The following ARID3A variants were observed in gnomAD, a reference collection of about 807,000 sequenced individuals.
ARID3A encodes AT-rich interactive domain-containing protein 3A.
In ARID3A, 11 loss-of-function variants were observed where a neutral mutation model predicts 52.7. The ratio of observed to expected loss-of-function variants is 0.21; its 90% CI spans 0.13 to 0.35. ARID3A has a LOEUF of 0.35. Ranked by LOEUF, ARID3A falls within the 10% of genes least tolerant of loss-of-function variation. ARID3A has a pLI of 1.00. For missense variants in ARID3A, 721 were observed against 838.5 expected (o/e 0.86, Z 1.73); for synonymous variants, 404 against 359.4 (o/e 1.12, Z -1.40).
At position 966,844 on chromosome 19, in the gene ARID3A, A is replaced by G. The variant is rs2038168133; in HGVS notation, c.1471A>G (p.Met491Val). 5.0e-6 allele frequency: 8 copies of G among 1,611,412 alleles called. No homozygotes were observed. The highest frequency in any genetic ancestry group is 6.8e-6 in the Non-Finnish European group (8 of 1,178,352). The change falls in exon 7 of 9, where the codon ATG becomes GTG. Residue 491 changes from methionine to valine, a missense_variant. This residue lies in a region of ARID3A where 297 missense variants were observed against 343.2 expected (regional missense o/e 0.87). Coordinates refer to ENST00000263620, the MANE Select transcript of ARID3A (RefSeq NM_005224.3). Reference protein sequence around the residue: ...NFLAMAAQLPMSIRINSQASE... With the variant: ...NFLAMAAQLPVSIRINSQASE... The stretch of plus-strand genomic sequence containing the variant: ...CCTGGCCATGGCGGCCCAGCTGCCC[A>G]TGAGCATTCGGATCAACAGCCAAGG...
intron 2 of ARID3A, among the ~76,000 whole-genome samples, chr19:930,756 G>A (rs778078761): frequency 9.9e-5 from 15 of 151,234 alleles, no homozygotes; most frequent in East Asian, 6.0e-4. Flanking sequence ...TGATCTGCCT[G>A]CCTTGGCCTC....
rs2145487428 is a variant in ARID3A at position 974,659 on chromosome 19, G to A, written c.*2594G>A. 4.3e-6 allele frequency: 1 copy of A among 230,508 alleles called. No homozygotes were observed. The highest frequency in any genetic ancestry group is 8.6e-6 in the Non-Finnish European group (1 of 116,406). 14.3% of individuals were successfully genotyped at this position (230,508 alleles called of 1,614,324 possible). ...GCATCTGGCGGCCCTGGACCCCTGG[G>A]GCCCCCGTGCACCTGCCCACCTCGG... On this transcript the variant is annotated 3_prime_UTR_variant, in exon 9 of 9. Transcript: ENST00000263620.
In ARID3A at chr19:966,652, G is replaced by A; in HGVS notation, c.1279G>A (p.Ala427Thr). 4.4e-6 allele frequency: 7 copies of A among 1,607,238 alleles called. No individual in the cohort carries two copies. Among genetic ancestry groups the A allele is most frequent in the Non-Finnish European group, 6.0e-6 (7 of 1,175,526 alleles). ...LAGHPVVAAQ[A>T]AAVQAAAAQA... ...GGGCCACCCTGTGGTGGCAGCCCAG[G>A]CAGCAGCTGTGCAAGCAGCAGCCGC... is the stretch of plus-strand genomic sequence containing the variant. The change falls in exon 7 of 9, where the codon GCA becomes ACA. Residue 427 changes from alanine (A) to threonine (T), a missense_variant. Around this residue, in one of 5 missense-constraint regions of ARID3A, gnomAD observed 297 missense variants for 343.2 expected, o/e 0.87. Coordinates refer to ENST00000263620, the MANE Select transcript of ARID3A (RefSeq NM_005224.3).
intron 1 of ARID3A, among the ~76,000 whole-genome samples, chr19:926,870 G>C (rs1190786318): frequency 2.6e-5 from 4 of 151,458 alleles, no homozygotes; most frequent in African/African-American, 9.8e-5. Flanking sequence ...TTAGGCGCTC[G>C]GGCTGGAGGG....
rs1266044938 is a variant in ARID3A at position 941,167 on chromosome 19, G to C, written c.693+8425G>C. ...ATAACACACGCGGCAGCCCGAGGGA[G>C]CGGTGCCCGCAGGCAGAGAGTGTCC... is the stretch of plus-strand genomic sequence containing the variant. On this transcript the variant is annotated intron_variant, in intron 3 of 8. Coordinates refer to ENST00000263620, the MANE Select transcript of ARID3A (RefSeq NM_005224.3). This position sits in a 1 kb window ranked among gnomAD's most constrained non-coding sequence, Gnocchi z 6.9. Among the ~76,000 whole-genome samples the C allele has an allele frequency of 6.6e-6, 1 of 152,242 alleles. No homozygotes were observed. The highest frequency in any genetic ancestry group is 2.4e-5 in the African/African-American group (1 of 41,468).
intron 3 of ARID3A, among the ~76,000 whole-genome samples, chr19:934,165 G>A (rs926991874): frequency 2.6e-5 from 4 of 152,184 alleles, no homozygotes; most frequent in Non-Finnish European, 5.9e-5. Context: ...GAGCCGGACG[G>A]AGACCTCCAT....
chr19:971,773 TGA>T lies in ARID3A; in HGVS notation c.1595-98_1595-97del. 4 of 1,391,094 alleles carry T rather than the reference TGA, an allele frequency of 2.9e-6. 1 individual carries two copies. The highest frequency in any genetic ancestry group is 1.5e-5 in the African/African-American group (1 of 66,688). The allele number at this position is 1,391,094 out of a possible 1,614,324, so 86.2% of individuals were successfully genotyped here. The stretch of plus-strand genomic sequence containing the variant: ...CTGCACTCTAGCCTGGGGGACAGAG[TGA>T]GAGAGAAGTTTATTCCCCGGAGCAC... On this transcript the variant is annotated intron_variant, in intron 8 of 8. Coordinates refer to ENST00000263620, the MANE Select transcript of ARID3A (RefSeq NM_005224.3).
intron 3 of ARID3A, among the ~76,000 whole-genome samples, chr19:939,078 G>T (rs1385999321): frequency 1.3e-5 from 2 of 149,282 alleles, no homozygotes; most frequent in African/African-American, 4.9e-5. Flanking sequence ...CTACAGGCGC[G>T]TGCCACCACA....
At chr19:954,370 G>C (rs1019042902) in intron 3 of ARID3A, among the ~76,000 whole-genome samples, 1 of 152,254 alleles carries the variant, frequency 6.6e-6, no homozygotes, top group Admixed American at 6.5e-5. Context: ...CCCACAGCAG[G>C]AAGTGGACAG....
rs1051964838 is a variant in ARID3A, at chr19:937,213, G to A, written c.693+4471G>A. 2.0e-5 allele frequency among the ~76,000 whole-genome samples: 3 copies of A among 152,146 alleles called. No individual in the cohort carries two copies. The East Asian group carries it at 5.8e-4, about 29-fold the overall frequency. Reference sequence around the variant, plus strand: ...CGGGAGGCGGAGATTGCCGTGAGCCGAGATCGCGCCACTGCACTCCAGCCT... The same window carrying A: ...CGGGAGGCGGAGATTGCCGTGAGCCAAGATCGCGCCACTGCACTCCAGCCT... On this transcript the variant is annotated intron_variant, in intron 3 of 8. Coordinates refer to ENST00000263620, the MANE Select transcript of ARID3A (RefSeq NM_005224.3).
intron 3 of ARID3A, among the ~76,000 whole-genome samples, chr19:946,790 G>C (rs1026641300): frequency 6.6e-6 from 1 of 150,884 alleles, no homozygotes; most frequent in Non-Finnish European, 1.5e-5. Flanking sequence ...AATTCTGTTT[G>C]TTTGTTTGTG....
chr19:930,802 C>T (rs1259789660), intron 2 of ARID3A, among the ~76,000 whole-genome samples: 1 of 151,836 alleles, frequency 6.6e-6, no homozygotes, highest in Non-Finnish European at 1.5e-5. Flanking sequence ...AGCCACCACA[C>T]CCGGCCAACT....
At chr19:967,579 C>A (rs1186758107) in intron 7 of ARID3A, among the ~76,000 whole-genome samples, 1 of 151,800 alleles carries the variant, frequency 6.6e-6, no homozygotes, top group Non-Finnish European at 1.5e-5. Flanking sequence ...TAAAAAAAAA[C>A]AAAGTGGAGT....
At chr19:965,178 G>A in intron 6 of ARID3A, 98 bp downstream of exon 6, 1 of 1,371,514 alleles carries the variant, frequency 7.3e-7, no homozygotes, top group Non-Finnish European at 9.7e-7. Context: ...GGGTAACCAG[G>A]ATGAAAAACC....
intron 3 of ARID3A, among the ~76,000 whole-genome samples, chr19:939,308 G>A (rs533924903): frequency 1.3e-5 from 2 of 151,990 alleles, no homozygotes; most frequent in South Asian, 2.1e-4. Context: ...TAGTAGAGAC[G>A]GGGTTTCACC....
chr19:962,575 C>T (rs995062812), intron 4 of ARID3A, among the ~76,000 whole-genome samples: 11 of 133,696 alleles, frequency 8.2e-5, no homozygotes, highest in African/African-American at 2.0e-4. Flanking sequence ...AGTGCAATGG[C>T]GGGGTCTCGG....
chr19:957,290 G>A (rs1011992133), intron 3 of ARID3A, among the ~76,000 whole-genome samples: 4 of 152,186 alleles, frequency 2.6e-5, no homozygotes, highest in African/African-American at 7.2e-5. Context: ...CTCCAGGTGC[G>A]GGGAAGCCAG....
In ARID3A at chr19:940,978, C is replaced by T. The variant is rs1051404546; in HGVS notation, c.693+8236C>T. On this transcript the variant is annotated intron_variant, in intron 3 of 8. Transcript: ENST00000263620. ...CCCCGGCCCGTGCCCGTGCCAGGAG[C>T]GTCGCTGACTCAGCCGGAAGAGCCT... is the stretch of plus-strand genomic sequence containing the variant. 2.7e-4 allele frequency among the ~76,000 whole-genome samples: 41 copies of T among 152,226 alleles called. 1 individual carries two copies. The highest frequency in any genetic ancestry group is 5.9e-4 in the Non-Finnish European group (40 of 67,978).
chr19:968,830 G>A, intron 8 of ARID3A: 1 of 195,056 alleles, frequency 5.1e-6, no homozygotes, highest in East Asian at 1.2e-4. Flanking sequence ...TAAATTTTTT[G>A]TTGCTCTTTA....
Sources: gnomAD v4.1 joint callset for allele counts (sites outside exome capture counted in the v4.1 genomes callset) on GRCh38, gnomAD v4.1.1 for gene constraint, gnomAD v4.1.1 regional missense constraint, Gnocchi (gnomAD v3.1) non-coding constraint, MANE v1.5 for transcripts, NCBI Gene and HGNC (gene_info 2026-07-23, HGNC 2026-07-21) for gene names.